Variants in RPTOR observed in about 807,000 individuals in gnomAD.
The protein encoded by RPTOR is regulatory-associated protein of mTOR.
RPTOR carries 21 observed loss-of-function variants against 169.9 expected under a neutral mutation model. The observed-to-expected ratio is 0.12, with a 90% CI of 0.09 to 0.18. RPTOR has a LOEUF of 0.18. RPTOR is among the 10% of genes least tolerant of loss of function. The pLI is 1.00. For missense variants in RPTOR, 1,133 were observed against 1,855.9 expected, an observed-to-expected ratio of 0.61 and a Z score of 7.16; for synonymous variants, 732 against 753.2, an observed-to-expected ratio of 0.97 and a Z score of 0.46.
intron 1 of RPTOR, among the ~76,000 whole-genome samples, chr17:80,590,445 G>T (rs4890052): frequency 0.23 from 33,918 of 146,852 alleles, 4,394 homozygotes; most frequent in East Asian, 0.4. Context: ...TTTAATGGTT[G>T]AGCCGTGTGT....
At chr17:80,899,410 A>AT (rs869277010) in intron 20 of RPTOR, among the ~76,000 whole-genome samples, 2 of 152,116 alleles carry the variant, frequency 1.3e-5, no homozygotes, top group Non-Finnish European at 2.9e-5. Flanking sequence ...GTATTTAAAA[A>AT]TTTTTTTTTA....
chr17:80,696,792 C>G (rs1192714734), intron 3 of RPTOR, among the ~76,000 whole-genome samples: 1 of 152,216 alleles, frequency 6.6e-6, no homozygotes, highest in Non-Finnish European at 1.5e-5. Context: ...CAGGAGCAAA[C>G]TCCATGCGGG....
chr17:80,600,696 G>A (rs896749881), intron 1 of RPTOR, among the ~76,000 whole-genome samples: 3 of 152,148 alleles, frequency 2.0e-5, no homozygotes, highest in Admixed American at 6.5e-5. Context: ...TTTAGGTGAC[G>A]AGACCCCAGA....
At chr17:80,612,413 G>C (rs76008137) in intron 1 of RPTOR, among the ~76,000 whole-genome samples, 14,811 of 152,200 alleles carry the variant, frequency 0.097, 799 homozygotes, top group Middle Eastern at 0.13. Flanking sequence ...TTGCAGGTGT[G>C]AGCCACTGTT....
intron 6 of RPTOR, among the ~76,000 whole-genome samples, chr17:80,785,554 G>T (rs965210747): frequency 6.6e-6 from 1 of 152,148 alleles, no homozygotes. Flanking sequence ...ATGAGTCCTC[G>T]AATCACAGCA....
At chr17:80,733,925 T>G (rs2066413505) in intron 5 of RPTOR, among the ~76,000 whole-genome samples, 1 of 152,236 alleles carries the variant, frequency 6.6e-6, no homozygotes, top group Non-Finnish European at 1.5e-5. Context: ...TTTTCAAGGC[T>G]CTTAGCTTCC....
At chr17:80,912,656 G>A (rs529209566) in intron 21 of RPTOR, among the ~76,000 whole-genome samples, 7 of 152,222 alleles carry the variant, frequency 4.6e-5, no homozygotes, top group Non-Finnish European at 5.9e-5. Context: ...ACAGCCCAGC[G>A]CCCTTTTGGA....
intron 3 of RPTOR, among the ~76,000 whole-genome samples, chr17:80,648,160 G>T (rs1205097636): frequency 6.6e-6 from 1 of 152,064 alleles, no homozygotes; most frequent in African/African-American, 2.4e-5. Context: ...TCATCCTTTC[G>T]TGGTATTGAT....
intron 7 of RPTOR, among the ~76,000 whole-genome samples, chr17:80,813,724 A>T (rs2143584189): frequency 6.6e-6 from 1 of 152,370 alleles, no homozygotes; most frequent in South Asian, 2.1e-4. Context: ...TATTTGCAGT[A>T]AGTAAGTGAA....
intron 7 of RPTOR, chr17:80,801,621 A>T (rs192788293): frequency 6.6e-6 from 1 of 152,246 alleles, no homozygotes. Flanking sequence ...AAGGAAAACT[A>T]TCAAAAGATC....
At chr17:80,927,291 C>CAA (rs1437559951) in intron 24 of RPTOR, among the ~76,000 whole-genome samples, 3 of 152,178 alleles carry the variant, frequency 2.0e-5, no homozygotes, top group Non-Finnish European at 2.9e-5. Flanking sequence ...TTAAGGCAGA[C>CAA]AAGGTCAGGC....
At chr17:80,699,551 G>A (rs111603291) in intron 3 of RPTOR, among the ~76,000 whole-genome samples, 71 of 46,970 alleles carry the variant, frequency 1.5e-3, no homozygotes, top group Middle Eastern at 0.024. Context: ...TGTGCACGGT[G>A]CCCTGGTGCA....
chr17:80,705,601 G>A (rs1376723448), intron 3 of RPTOR, among the ~76,000 whole-genome samples: 3 of 152,180 alleles, frequency 2.0e-5, no homozygotes, highest in Non-Finnish European at 4.4e-5. Context: ...ATACAACAGA[G>A]TAACCGTGTT....
At chr17:80,717,458 A>T (rs71368076) in intron 4 of RPTOR, among the ~76,000 whole-genome samples, 26,908 of 151,904 alleles carry the variant, frequency 0.18, 2,765 homozygotes, top group East Asian at 0.24. Context: ...TCTTGGTTGT[A>T]TTTTCCCCCA....
chr17:80,557,787 A>G (rs2084429317), intron 1 of RPTOR, among the ~76,000 whole-genome samples: 1 of 149,702 alleles, frequency 6.7e-6, no homozygotes, highest in East Asian at 2.1e-4. Flanking sequence ...TCAGCCGGGC[A>G]TGGTGGCAGA....
intron 7 of RPTOR, among the ~76,000 whole-genome samples, chr17:80,809,691 C>G (rs796685198): frequency 6.6e-6 from 1 of 152,076 alleles, no homozygotes; most frequent in Non-Finnish European, 1.5e-5. Context: ...AGTCTTTGTC[C>G]TATCTATACA....
chr17:80,943,993 A>G (rs1306462539), intron 25 of RPTOR, among the ~76,000 whole-genome samples: 3 of 151,090 alleles, frequency 2.0e-5, no homozygotes, highest in South Asian at 2.1e-4. Flanking sequence ...ACAACAGACA[A>G]TGAGGCTTAT....
Position 80,708,139 on chromosome 17 carries a change from T to C in RPTOR, c.507+140T>C. ...TTTCAACAAACCCAAATGCCATAAC[T>C]GAACGGACCAGGTAGTCAGGCACAA... On this transcript the variant is annotated intron_variant, in intron 4 of 33. Coordinates refer to ENST00000306801, the MANE Select transcript of RPTOR (RefSeq NM_020761.3). The surrounding 1 kb of genome is among the most constrained non-coding windows in gnomAD (Gnocchi z 4.2). 1 of 815,880 alleles carries C rather than the reference T, an allele frequency of 1.2e-6. No homozygotes were observed. The highest frequency in any genetic ancestry group is 1.9e-6 in the Non-Finnish European group (1 of 531,956). The allele number at this position is 815,880 out of a possible 1,614,324, so 50.5% of individuals were successfully genotyped here.
Position 80,721,151 on chromosome 17 carries a change from A to AG in RPTOR, c.508-9404dup, listed in dbSNP as rs1437214337. Among the ~76,000 whole-genome samples the AG allele has an allele frequency of 6.6e-6, 1 of 150,736 alleles. No individual in the cohort carries two copies. The highest frequency in any genetic ancestry group is 1.5e-5 in the Non-Finnish European group (1 of 67,978). ...AGACAAGGGGAGGCCTGGGAGTGCGAGGGGGCTCTGGTGACAGGAAGTAGT... is the reference window on the plus strand; with the variant it reads ...AGACAAGGGGAGGCCTGGGAGTGCGAGGGGGGCTCTGGTGACAGGAAGTAGT... On this transcript the variant is annotated intron_variant, in intron 4 of 33. Coordinates refer to ENST00000306801, the MANE Select transcript of RPTOR (RefSeq NM_020761.3). This position sits in a 1 kb window ranked among gnomAD's most constrained non-coding sequence, Gnocchi z 4.7.
Sources: gnomAD v4.1 joint callset for allele counts (sites outside exome capture counted in the v4.1 genomes callset) on GRCh38, gnomAD v4.1.1 for gene constraint, Gnocchi (gnomAD v3.1) non-coding constraint, MANE v1.5 for transcripts, NCBI Gene and HGNC (gene_info 2026-07-23, HGNC 2026-07-21) for gene names.